KIF14: variants seen among roughly 807,000 people sequenced by gnomAD.
KIF14 encodes kinesin-like protein KIF14.
In KIF14, 98 loss-of-function variants were observed where a neutral mutation model predicts 176.2. The ratio of observed to expected loss-of-function variants is 0.56; its 90% CI spans 0.47 to 0.66. KIF14 has a LOEUF of 0.66. Among genes scored for constraint, KIF14 ranks in the 30% least tolerant of loss-of-function variants. The probability of loss-of-function intolerance (pLI) is 0.00; values close to 1 mark genes in which losing one functional copy is unlikely to be tolerated. For synonymous variants in KIF14, 566 were observed against 632.2 expected, an observed-to-expected ratio of 0.90 and a Z score of 1.57; for missense variants, 1,751 against 1,920.4, an observed-to-expected ratio of 0.91 and a Z score of 1.65.
chr1:200,615,655 A>T lies in KIF14; in HGVS notation c.1113-46T>A, dbSNP rs182673696. ...AAAAATCAAGTAACTAAAATGATCA[A>T]GGGTATTATTCTCACAGAACATAAT... On this transcript the variant is annotated intron_variant, in intron 2 of 29. Coordinates refer to ENST00000367350, the MANE Select transcript of KIF14 (RefSeq NM_014875.3). 7.5e-5 allele frequency: 113 copies of T among 1,514,190 alleles called. No homozygotes were observed. In the Middle Eastern group the frequency reaches 2.0e-3, roughly 27 times the overall value. The allele number at this position is 1,514,190 out of a possible 1,614,324, so 93.8% of individuals were successfully genotyped here. A position where few individuals can be genotyped will look rare whatever the true frequency, so the allele number is the denominator to read the frequency against.
intron 29 of KIF14, among the ~76,000 whole-genome samples, chr1:200,554,106 G>T (rs146881149): frequency 6.6e-6 from 1 of 152,192 alleles, no homozygotes; most frequent in African/African-American, 2.4e-5. Context: ...AAGGAAAGAT[G>T]TCAGCCGGGG....
chr1:200,555,337 T>TA (rs1656776475), intron 28 of KIF14, 43 bp downstream of exon 28: 2 of 1,276,566 alleles, frequency 1.6e-6, no homozygotes, highest in Non-Finnish European at 2.2e-6. Context: ...AGTGAAATGA[T>TA]AAAAAATAAG....
In KIF14 at chr1:200,600,463, T is replaced by C. The variant is rs115233014; in HGVS notation, c.2193A>G (p.Arg731=). 7.5e-4 allele frequency: 1,217 copies of C among 1,613,898 alleles called. 13 individuals carry two copies. In the African/African-American group the frequency reaches 0.014, roughly 19 times the overall value. The change falls in exon 12 of 30, where the codon AGA becomes AGG. Residue 731 remains arginine, a synonymous_variant. Transcript: ENST00000367350. ...AEIAKLKAAQ[R]NSRNIDPERY... ...GTTCAGGGTCAATATTCCGACTGTT[T>C]CTCTGAGCAGCTTTTAGCTTTGCAA...
chr1:200,564,758 T>A (rs1226312067), intron 25 of KIF14, among the ~76,000 whole-genome samples: 1 of 152,150 alleles, frequency 6.6e-6, no homozygotes, highest in Non-Finnish European at 1.5e-5. Context: ...CATTGGATGG[T>A]ATATTTATTT....
At chr1:200,614,233 T>C in intron 4 of KIF14, 85 bp downstream of exon 4, 3 of 697,502 alleles carry the variant, frequency 4.3e-6, no homozygotes, top group Admixed American at 2.5e-5. Context: ...CCATTAAGTA[T>C]TTCCTTAGTG....
chr1:200,559,072 T>C (rs1374907733), intron 27 of KIF14, among the ~76,000 whole-genome samples: 14 of 152,176 alleles, frequency 9.2e-5, no homozygotes, highest in Admixed American at 9.2e-4. Context: ...CACTCCACTC[T>C]CTGCTTAGGA....
At position 200,615,399 on chromosome 1, in the gene KIF14, G is replaced by A. The variant is rs1383215723; in HGVS notation, c.1323C>T (p.Thr441=). Residue 441 remains threonine (T), a synonymous_variant, in exon 3 of 30, where the codon ACC becomes ACT. Coordinates refer to ENST00000367350, the MANE Select transcript of KIF14 (RefSeq NM_014875.3). ...LLERAFEGFN[T]CLFAYGQTGS... ...CAGTCTGACCATAAGCAAAAAGACA[G>A]GTATTGAAGCCTTCGAAGGCTCTTT... 1.2e-6 allele frequency: 2 copies of A among 1,614,050 alleles called. No individual in the cohort carries two copies. The highest frequency in any genetic ancestry group is 1.7e-6 in the Non-Finnish European group (2 of 1,179,926).
intron 22 of KIF14, among the ~76,000 whole-genome samples, chr1:200,573,427 CTTTTTTT>C (rs869174532): frequency 1.3e-4 from 10 of 77,748 alleles, no homozygotes; most frequent in African/African-American, 2.3e-4. Context: ...GAGCTCATTT[CTTTTTTT>C]TTTTTTTTTT....
chr1:200,606,621 T>C, intron 6 of KIF14, 125 bp downstream of exon 6: 1 of 750,800 alleles, frequency 1.3e-6, no homozygotes, highest in South Asian at 1.5e-5. Flanking sequence ...GAAGGCTAAA[T>C]AAATAGTTAC....
In KIF14 at chr1:200,569,079, C is replaced by G. The variant is rs143633046; in HGVS notation, c.3661+832G>C. On this transcript the variant is annotated intron_variant, in intron 23 of 29. Transcript: ENST00000367350. Reference sequence around the variant, plus strand: ...TAGCTGGGATGACAGGCATGCGCCACCACACCCAGCTAATTTTGTATTTTT... The same window carrying G: ...TAGCTGGGATGACAGGCATGCGCCAGCACACCCAGCTAATTTTGTATTTTT... Among the ~76,000 whole-genome samples, 1,341 of 152,090 alleles carry G rather than the reference C, an allele frequency of 8.8e-3. 20 individuals are homozygous for G. The highest frequency in any genetic ancestry group is 0.03 in the African/African-American group (1,224 of 41,484).
intron 18 of KIF14, among the ~76,000 whole-genome samples, chr1:200,588,128 T>G (rs935586066): frequency 6.6e-6 from 1 of 152,174 alleles, no homozygotes; most frequent in Non-Finnish European, 1.5e-5. Flanking sequence ...CAAACTTTAG[T>G]GTTCATCAGA....
intron 10 of KIF14, among the ~76,000 whole-genome samples, chr1:200,602,328 T>C (rs1659667377): frequency 6.6e-6 from 1 of 152,228 alleles, no homozygotes; most frequent in Non-Finnish European, 1.5e-5. Flanking sequence ...AAGTATTTCA[T>C]GACTGTGAGC....
rs776623187 is a variant in KIF14 at position 200,589,214 on chromosome 1, T to G, written c.3114+3A>C. 11 of 1,593,414 alleles carry G rather than the reference T, an allele frequency of 6.9e-6. No homozygotes were observed. In the South Asian group the frequency reaches 1.1e-4, roughly 17 times the overall value. ...GAGTTAACTGGTTACACAATAAAAT[T>G]ACCTGTTTTGTAGCCAATGTTTCCA... is the stretch of plus-strand genomic sequence containing the variant. On this transcript the variant is annotated splice_donor_region_variant and intron_variant, in intron 18 of 29. Coordinates refer to ENST00000367350, the MANE Select transcript of KIF14 (RefSeq NM_014875.3).
At chr1:200,591,048 C>CA (rs1033970704) in intron 16 of KIF14, among the ~76,000 whole-genome samples, 67 of 145,606 alleles carry the variant, frequency 4.6e-4, no homozygotes, top group African/African-American at 6.8e-4. Context: ...AAAAAACAAA[C>CA]AAAAAAAAAA....
chr1:200,582,385 T>A (rs183335725), intron 19 of KIF14, among the ~76,000 whole-genome samples: 3,567 of 147,442 alleles, frequency 0.024, 49 homozygotes, highest in Non-Finnish European at 0.035. Context: ...AAAAAAAAAA[T>A]TTATCATAAA....
At chr1:200,610,447 T>C (rs918589923) in intron 4 of KIF14, among the ~76,000 whole-genome samples, 2 of 150,588 alleles carry the variant, frequency 1.3e-5, no homozygotes, top group Non-Finnish European at 2.9e-5. Flanking sequence ...GAGGCAGAGC[T>C]TGCAGTGAGC....
chr1:200,564,048 G>A (rs934503297), intron 25 of KIF14, among the ~76,000 whole-genome samples: 2 of 152,010 alleles, frequency 1.3e-5, no homozygotes, highest in Non-Finnish European at 2.9e-5. Context: ...GATCACCTGA[G>A]GTCAGGAGTT....
chr1:200,589,274 T>C lies in KIF14; in HGVS notation c.3057A>G (p.Glu1019=). ...EELEKAKQHL[E]QEIYVNKKRL... is the part of the protein sequence containing the mutation. ...GCTTTTTGTTGACATATATTTCCTG[T>C]TCAAGATGCTGCTTTGCCTTTTCTA... is the stretch of plus-strand genomic sequence containing the variant. Residue 1019 remains glutamate, a synonymous_variant, in exon 18 of 30, where the codon GAA becomes GAG. Coordinates refer to ENST00000367350, the MANE Select transcript of KIF14 (RefSeq NM_014875.3). 1 of 1,612,108 alleles carries C rather than the reference T, an allele frequency of 6.2e-7. No individual in the cohort carries two copies. The highest frequency in any genetic ancestry group is 8.5e-7 in the Non-Finnish European group (1 of 1,178,582).
intron 19 of KIF14, among the ~76,000 whole-genome samples, chr1:200,583,757 C>G (rs1488765107): frequency 2.0e-5 from 3 of 151,834 alleles, no homozygotes; most frequent in Non-Finnish European, 4.4e-5. Context: ...GCCTGGCCAA[C>G]ATGGTGAAAC....
Sources: gnomAD v4.1 joint callset for allele counts (sites outside exome capture counted in the v4.1 genomes callset) on GRCh38, gnomAD v4.1.1 for gene constraint, MANE v1.5 for transcripts, NCBI Gene and HGNC (gene_info 2026-07-23, HGNC 2026-07-21) for gene names.